Variants in CBR4 observed in about 807,000 individuals in gnomAD.
CBR4 encodes the protein 3-oxoacyl-[acyl-carrier-protein] reductase.
A neutral mutation model predicts 21.0 loss-of-function variants in CBR4; 22 were observed. That is an observed-to-expected ratio of 1.05 (90% CI 0.75 to 1.50). The LOEUF is 1.50. CBR4 is among the 40% of genes most tolerant of loss of function. CBR4 has a pLI of 0.00. For synonymous variants in CBR4, 100 were observed against 104.4 expected (o/e 0.96, Z 0.26); for missense variants, 302 against 286.3 (o/e 1.05, Z -0.40).
rs1282458301 is a variant in CBR4, at chr4:169,003,024, GA to G, written c.401-820del. 4.6e-5 allele frequency among the ~76,000 whole-genome samples: 7 copies of G among 152,256 alleles called. 1 individual carries two copies. Among genetic ancestry groups the G allele is most frequent in the Admixed American group, 2.6e-4 (4 of 15,296 alleles). On this transcript the variant is annotated intron_variant, in intron 3 of 4. Transcript: ENST00000306193. ...ATCTGGTCACCAAAGAGCTCTGATGGATATGTACAAGGAGATTAATGTTGTT... is the reference window on the plus strand; with the variant it reads ...ATCTGGTCACCAAAGAGCTCTGATGGTATGTACAAGGAGATTAATGTTGTT...
intron 2 of CBR4, among the ~76,000 whole-genome samples, chr4:168,946,218 T>C (rs1181615445): frequency 6.6e-6 from 1 of 152,178 alleles, no homozygotes; most frequent in Non-Finnish European, 1.5e-5. Context: ...GGTTCCAGAA[T>C]GCTGCTAGTT....
chr4:168,943,483 C>A (rs72975255), intron 2 of CBR4, among the ~76,000 whole-genome samples: 529 of 152,316 alleles, frequency 3.5e-3, no homozygotes, highest in Middle Eastern at 0.014. Flanking sequence ...GCTAACTCAG[C>A]CATTGGTAAG....
intron 2 of CBR4, among the ~76,000 whole-genome samples, chr4:168,973,121 A>C (rs1764261886): frequency 6.6e-6 from 1 of 152,224 alleles, no homozygotes; most frequent in Admixed American, 6.5e-5. Flanking sequence ...CCCATCATGA[A>C]ATACACTTGA....
chr4:168,985,878 A>G (rs964055963), downstream of CBR4, among the ~76,000 whole-genome samples: 1 of 152,148 alleles, frequency 6.6e-6, no homozygotes, highest in African/African-American at 2.4e-5. Context: ...GACACAAAAA[A>G]GGGAACAATA....
intron 2 of CBR4, among the ~76,000 whole-genome samples, chr4:168,952,669 C>T (rs1052963243): frequency 4.6e-5 from 7 of 152,152 alleles, no homozygotes; most frequent in African/African-American, 1.7e-4. Context: ...AGCCGAGCTG[C>T]AGTGATTGTT....
At position 168,960,798 on chromosome 4, in the gene CBR4, AAG is replaced by A. The variant is rs1443883624; in HGVS notation, n.169+41271_169+41272del. On this transcript the variant is annotated intron_variant and non_coding_transcript_variant, in intron 2 of 3. Transcript: ENST00000509108. ...TGAGATTTAAAAGTCTTTATGTTAG[AAG>A]AGAGAGTACCTCTTACCAAAATGAG... Among the ~76,000 whole-genome samples, 5 of 152,240 alleles carry A rather than the reference AAG, an allele frequency of 3.3e-5. No individual in the cohort carries two copies. The East Asian group carries it at 9.6e-4, about 29-fold the overall frequency.
intron 2 of CBR4, among the ~76,000 whole-genome samples, chr4:168,975,658 T>C (rs974543550): frequency 6.6e-6 from 1 of 152,054 alleles, no homozygotes; most frequent in Admixed American, 6.6e-5. Context: ...TCCCTAGAAA[T>C]TACATCTTTT....
chr4:169,009,449 T>C (rs1731203717), intron 1 of CBR4, among the ~76,000 whole-genome samples: 1 of 152,368 alleles, frequency 6.6e-6, no homozygotes, highest in South Asian at 2.1e-4. Context: ...CACTGCTTTG[T>C]GCATTCGCGC....
At chr4:168,969,199 T>C (rs982448916) in intron 2 of CBR4, among the ~76,000 whole-genome samples, 6 of 152,194 alleles carry the variant, frequency 3.9e-5, no homozygotes, top group Admixed American at 2.0e-4. Context: ...TTGAGAAAGG[T>C]TGGACAGCTG....
At chr4:168,918,508 A>G (rs1760735111) in intron 2 of CBR4, among the ~76,000 whole-genome samples, 1 of 152,182 alleles carries the variant, frequency 6.6e-6, no homozygotes, top group Non-Finnish European at 1.5e-5. Context: ...AGAGAATAGA[A>G]TGGTGATTAC....
intron 2 of CBR4, among the ~76,000 whole-genome samples, chr4:168,978,832 A>G (rs538361526): frequency 6.6e-6 from 1 of 152,120 alleles, no homozygotes; most frequent in East Asian, 1.9e-4. Context: ...TGCCCCAACT[A>G]CACCTCCCTA....
At chr4:168,995,325 C>T (rs1765141308) in intron 4 of CBR4, among the ~76,000 whole-genome samples, 1 of 152,066 alleles carries the variant, frequency 6.6e-6, no homozygotes, top group Non-Finnish European at 1.5e-5. Context: ...TTTGTCCTTT[C>T]GGAGACAAAA....
chr4:168,996,830 T>A (rs959642115), intron 4 of CBR4, among the ~76,000 whole-genome samples: 1 of 152,194 alleles, frequency 6.6e-6, no homozygotes, highest in Non-Finnish European at 1.5e-5. Context: ...GGAACTTCCA[T>A]GTCATTTTAT....
chr4:168,976,388 C>T (rs924934651), intron 2 of CBR4, among the ~76,000 whole-genome samples: 1 of 152,196 alleles, frequency 6.6e-6, no homozygotes, highest in African/African-American at 2.4e-5. Flanking sequence ...GTGAAGAGTC[C>T]ACCAAACAGG....
chr4:168,989,556 G>C lies in CBR4; in HGVS notation c.*594C>G, dbSNP rs1016314851. 13 of 985,268 alleles carry C rather than the reference G, an allele frequency of 1.3e-5. No individual in the cohort carries two copies. Among genetic ancestry groups the C allele is most frequent in the Non-Finnish European group, 1.4e-5 (12 of 829,920 alleles). 61.0% of individuals were successfully genotyped at this position (985,268 alleles called of 1,614,324 possible). On this transcript the variant is annotated 3_prime_UTR_variant, in exon 5 of 5. Coordinates refer to ENST00000306193, the MANE Select transcript of CBR4 (RefSeq NM_032783.5). ...TGCAAAAGGAATATAGTTATCTTTA[G>C]TGGGCTTGCTAAAGTATTGACAACT...
intron 2 of CBR4, among the ~76,000 whole-genome samples, chr4:168,943,042 A>G (rs1763305217): frequency 6.6e-6 from 1 of 152,218 alleles, no homozygotes; most frequent in African/African-American, 2.4e-5. Flanking sequence ...CACAACCTCT[A>G]TGGAGTACAG....
Position 168,905,790 on chromosome 4 carries a change from CTTTTTTTT to C in CBR4, n.170-11033_170-11026del, listed in dbSNP as rs59427697. 1.8e-4 allele frequency among the ~76,000 whole-genome samples: 20 copies of C among 113,096 alleles called. 1 individual carries two copies. The highest frequency in any genetic ancestry group is 3.0e-4 in the South Asian group (1 of 3,286). The allele number at this position is 113,096 out of a possible 152,430, so 74.2% of individuals were successfully genotyped here. On this transcript the variant is annotated intron_variant and non_coding_transcript_variant, in intron 2 of 3. Transcript: ENST00000509108. ...ACAAAAGCGGAACTTGCTTTTTTTTCTTTTTTTTTTTTTTTTTTTTCTTTTTTGAGACG... is the reference window on the plus strand; with the variant it reads ...ACAAAAGCGGAACTTGCTTTTTTTTCTTTTTTTTTTTTCTTTTTTGAGACG...
At chr4:168,905,968 C>T (rs942240709) in intron 2 of CBR4, among the ~76,000 whole-genome samples, 23 of 151,946 alleles carry the variant, frequency 1.5e-4, no homozygotes, top group African/African-American at 4.8e-4. Context: ...GACGGGGTTT[C>T]ACCTCAGGTG....
chr4:168,911,453 A>G (rs1758927680), intron 2 of CBR4, among the ~76,000 whole-genome samples: 2 of 152,356 alleles, frequency 1.3e-5, no homozygotes, highest in South Asian at 4.1e-4. Flanking sequence ...TAAGGAAGCC[A>G]TATCCCACAT....
Sources: gnomAD v4.1 joint callset for allele counts (sites outside exome capture counted in the v4.1 genomes callset) on GRCh38, gnomAD v4.1.1 for gene constraint, MANE v1.5 for transcripts, NCBI Gene and HGNC (gene_info 2026-07-23, HGNC 2026-07-21) for gene names.